The following CORO2A variants were observed in gnomAD, a reference collection of about 807,000 sequenced individuals.
CORO2A encodes the protein coronin-2A.
Under a neutral mutation model 62.4 loss-of-function variants are expected in CORO2A, and 47 were observed. The observed-to-expected ratio is 0.75, with a 90% CI of 0.60 to 0.96. CORO2A has a LOEUF of 0.96. CORO2A is among the 40% of genes least tolerant of loss of function. The pLI, the probability that CORO2A is intolerant of heterozygous loss-of-function variation, is 0.00. For synonymous variants in CORO2A, 273 were observed against 268.9 expected, an observed-to-expected ratio of 1.02 and a Z score of -0.15; for missense variants, 610 against 684.1, an observed-to-expected ratio of 0.89 and a Z score of 1.21.
chr9:98,181,730 C>T (rs943836225), intron 1 of CORO2A, among the ~76,000 whole-genome samples: 6 of 152,138 alleles, frequency 3.9e-5, no homozygotes, highest in African/African-American at 1.4e-4. Context: ...CTTGCCTGCT[C>T]AGTCCCTACT....
intron 2 of CORO2A, among the ~76,000 whole-genome samples, chr9:98,141,132 A>G (rs1000142073): frequency 1.3e-5 from 2 of 152,058 alleles, no homozygotes; most frequent in Non-Finnish European, 2.9e-5. Flanking sequence ...CCAAAAAAAA[A>G]GGAAAGAATG....
chr9:98,151,819 T>A (rs1404364573), intron 2 of CORO2A, among the ~76,000 whole-genome samples: 1,590 of 148,616 alleles, frequency 0.011, 26 homozygotes, highest in African/African-American at 0.037. Context: ...GGCTAATTTT[T>A]TTTTTTTTTT....
intron 2 of CORO2A, among the ~76,000 whole-genome samples, chr9:98,141,939 G>C (rs1316748793): frequency 6.6e-6 from 1 of 150,600 alleles, no homozygotes; most frequent in Non-Finnish European, 1.5e-5. Flanking sequence ...TCAAAACTGA[G>C]AAAAAAAAAC....
intron 1 of CORO2A, among the ~76,000 whole-genome samples, chr9:98,162,149 C>T (rs1026238027): frequency 1.3e-5 from 2 of 152,194 alleles, no homozygotes; most frequent in Non-Finnish European, 1.5e-5. Context: ...GGTCACACAG[C>T]TAGTGAACAG....
intron 2 of CORO2A, among the ~76,000 whole-genome samples, chr9:98,152,139 GT>G (rs869306119): frequency 1.8e-5 from 2 of 112,962 alleles, no homozygotes; most frequent in Non-Finnish European, 3.9e-5. Context: ...TTTTTTTTTT[GT>G]TTTTTCTTTA....
intron 1 of CORO2A, among the ~76,000 whole-genome samples, chr9:98,170,078 A>C (rs1828012853): frequency 6.6e-6 from 1 of 152,228 alleles, no homozygotes; most frequent in Non-Finnish European, 1.5e-5. Flanking sequence ...TTCTCATAGA[A>C]TCTAGAAGAT....
chr9:98,183,544 A>G (rs1043055532), intron 1 of CORO2A, among the ~76,000 whole-genome samples: 1 of 152,262 alleles, frequency 6.6e-6, no homozygotes, highest in African/African-American at 2.4e-5. Context: ...TATTGCATAC[A>G]TAGTTGGCCC....
chr9:98,177,005 G>A (rs79283988), intron 1 of CORO2A, among the ~76,000 whole-genome samples: 129 of 152,310 alleles, frequency 8.5e-4, no homozygotes, highest in Non-Finnish European at 1.3e-3. Flanking sequence ...GTGGAAACTC[G>A]TTTGTGGAGG....
intron 6 of CORO2A, 80 bp from the exon 7 acceptor site, chr9:98,131,139 G>A (rs1827402041): frequency 2.2e-6 from 2 of 908,472 alleles, no homozygotes; most frequent in African/African-American, 3.3e-5. Context: ...AAGAATTGCT[G>A]CCATGGTGCT....
chr9:98,128,868 C>T (rs1478252772), intron 8 of CORO2A, 149 bp from the exon 9 acceptor site: 1 of 622,344 alleles, frequency 1.6e-6, no homozygotes, highest in Non-Finnish European at 2.9e-6. Context: ...TGGGCTGGGC[C>T]CTATGTTGGG....
intron 7 of CORO2A, 79 bp downstream of exon 7, chr9:98,130,876 T>C: frequency 8.3e-7 from 1 of 1,200,382 alleles, no homozygotes; most frequent in Non-Finnish European, 1.2e-6. Flanking sequence ...CCCTGCCCTG[T>C]GTTCCCAATG....
intron 4 of CORO2A, among the ~76,000 whole-genome samples, chr9:98,134,109 A>G (rs1827450887): frequency 6.6e-6 from 1 of 152,136 alleles, no homozygotes; most frequent in Non-Finnish European, 1.5e-5. Flanking sequence ...AAACCCCTAT[A>G]GTGTCAAAAG....
intron 1 of CORO2A, among the ~76,000 whole-genome samples, chr9:98,186,639 T>C (rs1284572356): frequency 2.0e-5 from 3 of 152,236 alleles, no homozygotes; most frequent in Admixed American, 6.5e-5. Context: ...CTTTGTAAAT[T>C]AACTTCATGA....
At chr9:98,147,740 T>C (rs79100589) in intron 2 of CORO2A, among the ~76,000 whole-genome samples, 37 of 152,350 alleles carry the variant, frequency 2.4e-4, no homozygotes, top group African/African-American at 8.2e-4. Flanking sequence ...AGGCTAAACA[T>C]GCAACTACCT....
intron 2 of CORO2A, among the ~76,000 whole-genome samples, chr9:98,139,507 A>T (rs947306275): frequency 2.6e-5 from 4 of 152,130 alleles, no homozygotes; most frequent in African/African-American, 9.7e-5. Context: ...CATGCCTGTA[A>T]TCCAAGCTAC....
intron 1 of CORO2A, among the ~76,000 whole-genome samples, chr9:98,162,715 G>A (rs1379364881): frequency 6.6e-6 from 1 of 152,240 alleles, no homozygotes; most frequent in Non-Finnish European, 1.5e-5. Flanking sequence ...TTTTGTGGGT[G>A]TGCATGCACG....
intron 1 of CORO2A, among the ~76,000 whole-genome samples, chr9:98,184,461 T>C (rs16913616): frequency 0.23 from 34,487 of 152,116 alleles, 3,968 homozygotes; most frequent in African/African-American, 0.26. Context: ...TCTTTTCTCA[T>C]ATCCAAACCC....
rs1324867220 is a variant in CORO2A at position 98,126,811 on chromosome 9, A to T, written c.1184T>A (p.Val395Glu). Residue 395 changes from valine (V) to glutamate (E), a missense_variant, in exon 11 of 12, where the codon GTG becomes GAG. Coordinates refer to ENST00000375077, the MANE Select transcript of CORO2A (RefSeq NM_052820.4). ...CAGCTCAGAGCCAGGCCTAAGGGAC[A>T]CCAGGATTGGGTCTGGAAGGGAAGC... ...LSGMNRDPIL[V>E]SLRPGSELLR... 3.1e-6 allele frequency: 5 copies of T among 1,614,076 alleles called. No homozygotes were observed. Among genetic ancestry groups the T allele is most frequent in the Non-Finnish European group, 4.2e-6 (5 of 1,180,038 alleles).
At chr9:98,181,521 T>A (rs906253069) in intron 1 of CORO2A, among the ~76,000 whole-genome samples, 1 of 152,090 alleles carries the variant, frequency 6.6e-6, no homozygotes, top group South Asian at 2.1e-4. Flanking sequence ...CCACCAACCA[T>A]CTTGCCCTTG....
Sources: gnomAD v4.1 joint callset for allele counts (sites outside exome capture counted in the v4.1 genomes callset) on GRCh38, gnomAD v4.1.1 for gene constraint, MANE v1.5 for transcripts, NCBI Gene and HGNC (gene_info 2026-07-23, HGNC 2026-07-21) for gene names.